PCDH15: variants seen among roughly 807,000 people sequenced by gnomAD.
The protein encoded by PCDH15 is protocadherin related 15.
A neutral mutation model predicts 178.5 loss-of-function variants in PCDH15; 129 were observed. That is an observed-to-expected ratio of 0.72 (90% CI 0.63 to 0.84). The LOEUF (loss-of-function observed/expected upper bound fraction) is 0.84, where lower values mean the gene tolerates loss of function less well. Among genes scored for constraint, PCDH15 ranks in the 40% least tolerant of loss-of-function variants. The pLI is 0.00. For synonymous variants in PCDH15, 800 were observed against 732.0 expected (o/e 1.09, Z -1.50); for missense variants, 2,230 against 2,099.9 (o/e 1.06, Z -1.21).
chr10:55,225,903 A>G (rs984330872), intron 1 of PCDH15, among the ~76,000 whole-genome samples: 1 of 152,038 alleles, frequency 6.6e-6, no homozygotes, highest in African/African-American at 2.4e-5. Context: ...CCGTGGGTAC[A>G]GCAAAGAGTA....
chr10:55,296,603 A>T (rs1055322695), intron 1 of PCDH15, among the ~76,000 whole-genome samples: 3 of 152,174 alleles, frequency 2.0e-5, no homozygotes, highest in Admixed American at 1.3e-4. Flanking sequence ...GGGTTTTAGA[A>T]GCTCTGTAAC....
intron 8 of PCDH15, among the ~76,000 whole-genome samples, chr10:54,315,485 T>C (rs916274511): frequency 6.6e-6 from 1 of 152,216 alleles, no homozygotes; most frequent in East Asian, 1.9e-4. Flanking sequence ...AGGTGGTCTG[T>C]TCACTCTGTT....
chr10:55,448,550 A>G (rs572287029), intron 2 of PCDH15, among the ~76,000 whole-genome samples: 110 of 152,142 alleles, frequency 7.2e-4, no homozygotes, highest in Non-Finnish European at 1.4e-3. Flanking sequence ...AGAATTTTTG[A>G]TTAAGTAAAC....
At chr10:55,310,186 C>T (rs182885911) in intron 1 of PCDH15, among the ~76,000 whole-genome samples, 85 of 152,038 alleles carry the variant, frequency 5.6e-4, no homozygotes, top group Non-Finnish European at 9.6e-4. Flanking sequence ...TAATTATTTC[C>T]TTTATTTATT....
At chr10:54,235,168 C>T (rs2134365339) in intron 9 of PCDH15, among the ~76,000 whole-genome samples, 1 of 152,300 alleles carries the variant, frequency 6.6e-6, no homozygotes, top group South Asian at 2.1e-4. Context: ...ACTGCAACTT[C>T]TACTACAATC....
At chr10:53,950,527 T>C (rs2086935156) in intron 23 of PCDH15, among the ~76,000 whole-genome samples, 1 of 152,192 alleles carries the variant, frequency 6.6e-6, no homozygotes, top group Non-Finnish European at 1.5e-5. Flanking sequence ...ATAAATTGTG[T>C]AATATAATGC....
At chr10:54,622,576 T>TATATATAATATATATA (rs1179795886) in intron 2 of PCDH15, among the ~76,000 whole-genome samples, 6 of 102,596 alleles carry the variant, frequency 5.8e-5, no homozygotes, top group Non-Finnish European at 9.2e-5. Flanking sequence ...TGTGTATATA[T>TATATATAATATATATA]ATATATAATA....
intron 2 of PCDH15, among the ~76,000 whole-genome samples, chr10:54,943,176 C>T (rs891384481): frequency 1.3e-4 from 20 of 151,934 alleles, no homozygotes; most frequent in African/African-American, 4.6e-4. Context: ...AGGAAAGCTA[C>T]CTTTCTTTCT....
At chr10:54,385,446 C>T (rs900982935) in intron 3 of PCDH15, among the ~76,000 whole-genome samples, 1 of 152,062 alleles carries the variant, frequency 6.6e-6, no homozygotes, top group African/African-American at 2.4e-5. Context: ...ATTTAATAAC[C>T]ATACGTGCTC....
intron 1 of PCDH15, among the ~76,000 whole-genome samples, chr10:54,713,161 T>C (rs1186312269): frequency 2.0e-5 from 3 of 151,948 alleles, no homozygotes. Context: ...TTCATTCAAT[T>C]TGGCATGTGT....
At chr10:55,016,397 C>A (rs932329912) in intron 2 of PCDH15, among the ~76,000 whole-genome samples, 1 of 117,240 alleles carries the variant, frequency 8.5e-6, no homozygotes, top group Admixed American at 8.8e-5. Context: ...TCCACTCTTC[C>A]CTAGAACCCA....
chr10:54,324,928 G>A (rs1020350064), intron 7 of PCDH15, among the ~76,000 whole-genome samples: 1 of 151,924 alleles, frequency 6.6e-6, no homozygotes, highest in Non-Finnish European at 1.5e-5. Flanking sequence ...AGATTACTTT[G>A]ATTCTATGTG....
chr10:53,980,484 T>C (rs2090546340), intron 21 of PCDH15, among the ~76,000 whole-genome samples: 2 of 152,202 alleles, frequency 1.3e-5, no homozygotes, highest in African/African-American at 4.8e-5. Flanking sequence ...AGAGTTTAGG[T>C]ATTAATATCC....
At chr10:55,028,530 A>C (rs903245895) in intron 2 of PCDH15, among the ~76,000 whole-genome samples, 6 of 152,016 alleles carry the variant, frequency 3.9e-5, no homozygotes, top group African/African-American at 1.4e-4. Context: ...TGACTTTATA[A>C]AACAGCTACA....
intron 3 of PCDH15, among the ~76,000 whole-genome samples, chr10:54,868,500 C>A (rs887023815): frequency 6.6e-6 from 1 of 152,136 alleles, no homozygotes; most frequent in Non-Finnish European, 1.5e-5. Context: ...CCTTTTCACT[C>A]CTGAGAAAGT....
intron 3 of PCDH15, among the ~76,000 whole-genome samples, chr10:54,808,982 A>G (rs1241599432): frequency 1.3e-5 from 2 of 151,886 alleles, no homozygotes; most frequent in East Asian, 3.9e-4. Flanking sequence ...TTAAGACGCT[A>G]CCCTAATGCT....
intron 2 of PCDH15, among the ~76,000 whole-genome samples, chr10:54,934,760 C>T (rs1248696541): frequency 1.3e-5 from 2 of 151,798 alleles, no homozygotes; most frequent in Non-Finnish European, 1.5e-5. Context: ...AATCATGCTG[C>T]TTTAAAGACA....
At chr10:55,220,624 A>T (rs2132183247) in intron 1 of PCDH15, among the ~76,000 whole-genome samples, 1 of 152,208 alleles carries the variant, frequency 6.6e-6, no homozygotes, top group African/African-American at 2.4e-5. Flanking sequence ...TGTTGTAAGC[A>T]ATTACAACAC....
intron 3 of PCDH15, among the ~76,000 whole-genome samples, chr10:54,425,891 A>G (rs1395673603): frequency 6.6e-6 from 1 of 152,194 alleles, no homozygotes; most frequent in African/African-American, 2.4e-5. Context: ...AGACATTTCA[A>G]CTGAGAAGTC....
Sources: allele counts gnomAD v4.1 joint callset (sites outside exome capture counted in the v4.1 genomes callset), GRCh38; gene constraint gnomAD v4.1.1; transcripts MANE v1.5; gene names NCBI Gene and HGNC (gene_info 2026-07-23, HGNC 2026-07-21).